Variants in SAMSN1 observed in about 807,000 individuals in gnomAD.
The protein encoded by SAMSN1 is SAM domain-containing protein SAMSN-1.
In SAMSN1, 31 loss-of-function variants were observed where a neutral mutation model predicts 42.0. The ratio of observed to expected loss-of-function variants is 0.74; its 90% confidence interval spans 0.55 to 1.00. The LOEUF (loss-of-function observed/expected upper bound fraction) is 1.00, where lower values mean the gene tolerates loss of function less well. Among genes scored for constraint, SAMSN1 ranks in the 50% least tolerant of loss-of-function variants. The probability of loss-of-function intolerance (pLI) is 0.00; values close to 1 mark genes in which losing one functional copy is unlikely to be tolerated. For synonymous variants in SAMSN1, 178 were observed against 151.9 expected (o/e 1.17, Z -1.26); for missense variants, 464 against 439.4 (o/e 1.06, Z -0.50).
intron 2 of SAMSN1, among the ~76,000 whole-genome samples, chr21:14,621,360 G>A (rs1340457554): frequency 6.6e-6 from 1 of 152,156 alleles, no homozygotes; most frequent in East Asian, 1.9e-4. Flanking sequence ...GCCTCACCTG[G>A]GAAGCACAAG....
At chr21:14,501,412 C>T (rs1027224476) in intron 5 of SAMSN1, among the ~76,000 whole-genome samples, 5 of 152,118 alleles carry the variant, frequency 3.3e-5, no homozygotes, top group African/African-American at 9.7e-5. Context: ...AGATATTAAA[C>T]GACTTCTCAA....
intron 1 of SAMSN1, among the ~76,000 whole-genome samples, chr21:14,525,159 A>G (rs1293399268): frequency 1.3e-5 from 2 of 152,256 alleles, no homozygotes; most frequent in Non-Finnish European, 2.9e-5. Context: ...TGTTGGATCC[A>G]GGCAATGATC....
intron 6 of SAMSN1, among the ~76,000 whole-genome samples, chr21:14,596,267 T>C (rs1982259775): frequency 6.6e-6 from 1 of 152,188 alleles, no homozygotes; most frequent in Non-Finnish European, 1.5e-5. Context: ...TTGAAAGTCT[T>C]CTACTATTAA....
chr21:14,567,133 A>G (rs942759730), intron 2 of SAMSN1, among the ~76,000 whole-genome samples: 7 of 152,182 alleles, frequency 4.6e-5, no homozygotes, highest in African/African-American at 9.7e-5. Flanking sequence ...CATGGCTCCT[A>G]GAACCACAAG....
At chr21:14,561,689 A>G (rs1420760241) in intron 2 of SAMSN1, among the ~76,000 whole-genome samples, 1 of 152,198 alleles carries the variant, frequency 6.6e-6, no homozygotes, top group Non-Finnish European at 1.5e-5. Flanking sequence ...ATTGTTGCCA[A>G]CATAATTAGT....
intron 2 of SAMSN1, among the ~76,000 whole-genome samples, chr21:14,574,923 T>G (rs575810862): frequency 2.0e-5 from 3 of 152,280 alleles, no homozygotes; most frequent in East Asian, 1.9e-4. Context: ...GCGAGACCTT[T>G]TTTCAGGCTT....
intron 5 of SAMSN1, among the ~76,000 whole-genome samples, chr21:14,508,361 A>AT (rs1477506083): frequency 6.6e-6 from 1 of 152,186 alleles, no homozygotes; most frequent in African/African-American, 2.4e-5. Context: ...CAACAAGAAA[A>AT]AAAAACAAAC....
chr21:14,619,414 T>G (rs1982941898), intron 2 of SAMSN1, among the ~76,000 whole-genome samples: 1 of 152,230 alleles, frequency 6.6e-6, no homozygotes, highest in Non-Finnish European at 1.5e-5. Flanking sequence ...ATGCAAACTT[T>G]GACTTGAAAA....
chr21:14,537,254 T>G (rs1296289873), intron 1 of SAMSN1, among the ~76,000 whole-genome samples: 1 of 152,144 alleles, frequency 6.6e-6, no homozygotes, highest in Non-Finnish European at 1.5e-5. Context: ...CTGCCCAGAG[T>G]ACAGTTTCCT....
upstream of SAMSN1, among the ~76,000 whole-genome samples, chr21:14,549,227 G>A (rs1265674642): frequency 6.6e-6 from 1 of 152,128 alleles, no homozygotes; most frequent in Admixed American, 6.6e-5. Context: ...AGAGATCATG[G>A]GACATTCAAA....
intron 3 of SAMSN1, among the ~76,000 whole-genome samples, chr21:14,516,065 T>A (rs952086427): frequency 6.6e-6 from 1 of 152,226 alleles, no homozygotes; most frequent in Non-Finnish European, 1.5e-5. Flanking sequence ...TTGATGGGAA[T>A]GTCAAATGAC....
chr21:14,527,871 T>C (rs1444513459), intron 1 of SAMSN1, among the ~76,000 whole-genome samples: 3 of 151,918 alleles, frequency 2.0e-5, no homozygotes, highest in African/African-American at 7.2e-5. Context: ...GACCCAAATG[T>C]ACAACAATAT....
rs1332612625 is a variant in SAMSN1 at position 14,540,313 on chromosome 21, G to A, written c.57+5892C>T. The stretch of plus-strand genomic sequence containing the variant: ...AAATGGGATCTAATTGAACTAAAGA[G>A]CTTCTGCACAGCAAAAGAAACTACC... On this transcript the variant is annotated intron_variant, in intron 1 of 7. Transcript: ENST00000400566. 4.6e-5 allele frequency among the ~76,000 whole-genome samples: 7 copies of A among 152,282 alleles called. No homozygotes were observed. The East Asian group carries it at 1.2e-3, about 25-fold the overall frequency.
chr21:14,506,706 A>G (rs1244351999), intron 5 of SAMSN1, among the ~76,000 whole-genome samples: 1 of 152,164 alleles, frequency 6.6e-6, no homozygotes, highest in Non-Finnish European at 1.5e-5. Flanking sequence ...AGCCAGTATC[A>G]CCCTAATACC....
intron 3 of SAMSN1, among the ~76,000 whole-genome samples, chr21:14,614,320 T>C (rs1982778639): frequency 6.6e-6 from 1 of 152,170 alleles, no homozygotes. Flanking sequence ...AGAAATAAAA[T>C]TGACTATAGG....
At position 14,536,702 on chromosome 21, in the gene SAMSN1, C is replaced by T. The variant is rs73161243; in HGVS notation, c.57+9503G>A. On this transcript the variant is annotated intron_variant, in intron 1 of 7. Transcript: ENST00000400566. ...TGTTTAAGAAAGAAGAAGAAGAAGC[C>T]TTTGCAAAGTGAGACATCAATTTAG... 9.8e-4 allele frequency among the ~76,000 whole-genome samples: 149 copies of T among 151,916 alleles called. No individual in the cohort carries two copies. In the Middle Eastern group the frequency reaches 0.014, roughly 14 times the overall value.
chr21:14,506,739 A>G (rs1987427958), intron 5 of SAMSN1, among the ~76,000 whole-genome samples: 1 of 152,148 alleles, frequency 6.6e-6, no homozygotes, highest in African/African-American at 2.4e-5. Context: ...GAGGGTAACC[A>G]AAAAAGAAAA....
rs188625919 is a variant in SAMSN1, at chr21:14,565,218, C to A, written c.261+16918G>T. On this transcript the variant is annotated intron_variant, in intron 2 of 8. Coordinates refer to the SAMSN1 transcript ENST00000285670. ...GGCTGAGGCAGGAGAATCACTTTAA[C>A]CTGGGAGGCGGAGGTTGCAGTGAGC... 2.5e-3 allele frequency among the ~76,000 whole-genome samples: 381 copies of A among 151,372 alleles called. 1 individual carries two copies. Among genetic ancestry groups the A allele is most frequent in the African/African-American group, 8.7e-3 (360 of 41,222 alleles).
At chr21:14,618,694 G>A (rs1308690965) in intron 2 of SAMSN1, among the ~76,000 whole-genome samples, 8 of 17,452 alleles carry the variant, frequency 4.6e-4, no homozygotes, top group Admixed American at 8.4e-4. Flanking sequence ...GTGTGTGTGC[G>A]CGCGCGCGCA....
Sources: allele counts gnomAD v4.1 joint callset (sites outside exome capture counted in the v4.1 genomes callset), GRCh38; gene constraint gnomAD v4.1.1; transcripts MANE v1.5; gene names NCBI Gene and HGNC (gene_info 2026-07-23, HGNC 2026-07-21).